RELN: variants seen among roughly 807,000 people sequenced by gnomAD.
RELN encodes the protein reelin.
A neutral mutation model predicts 427.6 loss-of-function variants in RELN; 108 were observed. The ratio of observed to expected loss-of-function variants is 0.25; its 90% confidence interval spans 0.22 to 0.30. The LOEUF is 0.30. Ranked by LOEUF, RELN falls within the 10% of genes least tolerant of loss-of-function variation. The probability of loss-of-function intolerance (pLI) is 1.00; values close to 1 mark genes in which losing one functional copy is unlikely to be tolerated. For missense variants in RELN, 3,715 were observed against 4,302.8 expected (o/e 0.86, Z 3.82); for synonymous variants, 1,524 against 1,513.4 (o/e 1.01, Z -0.16).
intron 1 of RELN, among the ~76,000 whole-genome samples, chr7:103,942,819 G>A (rs1796143010): frequency 6.6e-6 from 1 of 152,138 alleles, no homozygotes; most frequent in African/African-American, 2.4e-5. Flanking sequence ...GGCTGAGGCA[G>A]GAGAATTGCT....
chr7:103,669,235 G>A (rs1283044528), intron 11 of RELN, among the ~76,000 whole-genome samples: 1 of 152,096 alleles, frequency 6.6e-6, no homozygotes, highest in Non-Finnish European at 1.5e-5. Flanking sequence ...AAGTAAAATG[G>A]GAAGTTTAGT....
intron 1 of RELN, among the ~76,000 whole-genome samples, chr7:103,980,161 C>CAA (rs368158466): frequency 1.0e-4 from 9 of 88,600 alleles, no homozygotes; most frequent in South Asian, 3.3e-4. Context: ...ACTCTGTCTC[C>CAA]AAAAAAAAAA....
chr7:103,771,134 C>A (rs1791559506), intron 4 of RELN, among the ~76,000 whole-genome samples: 2 of 151,782 alleles, frequency 1.3e-5, no homozygotes, highest in South Asian at 4.2e-4. Flanking sequence ...CCAGGCTGGT[C>A]TCAAACTCCT....
chr7:103,764,860 A>G (rs1181771096), intron 4 of RELN, among the ~76,000 whole-genome samples: 1 of 149,846 alleles, frequency 6.7e-6, no homozygotes, highest in Non-Finnish European at 1.5e-5. Flanking sequence ...AAAAAAGTGC[A>G]AAAAGAAGCC....
chr7:103,582,206 T>C (rs113523591), intron 28 of RELN, among the ~76,000 whole-genome samples: 45 of 152,344 alleles, frequency 3.0e-4, no homozygotes, highest in Middle Eastern at 3.4e-3. Flanking sequence ...AGAGCCAACT[T>C]GTCAACTATG....
chr7:103,472,579 A>G lies in RELN; in HGVS notation c.*233T>C, dbSNP rs932465986. 54 of 517,388 alleles carry G rather than the reference A, an allele frequency of 1.0e-4. No homozygotes were observed. The highest frequency in any genetic ancestry group is 9.2e-4 in the African/African-American group (48 of 52,182). The allele number at this position is 517,388 out of a possible 1,614,324, so 32.0% of individuals were successfully genotyped here. Reference sequence around the variant, plus strand: ...GCCACTGTAACTGATATTACAACAGATCACAACTTTCACGGACACATCAAC... The same window carrying G: ...GCCACTGTAACTGATATTACAACAGGTCACAACTTTCACGGACACATCAAC... On this transcript the variant is annotated 3_prime_UTR_variant, in exon 65 of 65. Transcript: ENST00000428762.
In RELN at chr7:103,603,242, A is replaced by G. The variant is rs1203280316; in HGVS notation, c.3333+62T>C. 5 of 1,319,794 alleles carry G rather than the reference A, an allele frequency of 3.8e-6. No individual in the cohort carries two copies. The African/African-American group carries it at 5.8e-5, about 15-fold the overall frequency. 81.8% of individuals were successfully genotyped at this position (1,319,794 alleles called of 1,614,324 possible). On this transcript the variant is annotated intron_variant, in intron 24 of 64. Coordinates refer to ENST00000428762, the MANE Select transcript of RELN (RefSeq NM_005045.4). This position sits in a 1 kb window ranked among gnomAD's most constrained non-coding sequence, Gnocchi z 4.3. ...ACCACTTCATATTTGTACATTTGGA[A>G]TTCAGAGTCTCATATTAAACTAGCC...
chr7:103,622,058 T>C (rs1210100577), intron 20 of RELN, among the ~76,000 whole-genome samples: 1 of 152,134 alleles, frequency 6.6e-6, no homozygotes, highest in Non-Finnish European at 1.5e-5. Flanking sequence ...CTGCTAAATT[T>C]CTGTTTCAAC....
intron 2 of RELN, among the ~76,000 whole-genome samples, chr7:103,887,655 T>G (rs1444622674): frequency 6.7e-6 from 1 of 148,556 alleles, no homozygotes; most frequent in East Asian, 2.0e-4. Context: ...GAGTAAGAGA[T>G]TTCTGTGGTC....
At chr7:103,707,802 T>A (rs184941271) in intron 8 of RELN, among the ~76,000 whole-genome samples, 9 of 152,246 alleles carry the variant, frequency 5.9e-5, no homozygotes, top group Admixed American at 5.9e-4. Flanking sequence ...CGGCTGCAAA[T>A]CTATTTCTTT....
intron 2 of RELN, among the ~76,000 whole-genome samples, chr7:103,912,670 A>T (rs966432756): frequency 1.3e-5 from 2 of 152,106 alleles, no homozygotes; most frequent in African/African-American, 4.8e-5. Flanking sequence ...AACAATTTGA[A>T]ATTTGGCTGC....
chr7:103,547,382 C>T (rs530791206), intron 41 of RELN, among the ~76,000 whole-genome samples: 1 of 152,322 alleles, frequency 6.6e-6, no homozygotes, highest in Non-Finnish European at 1.5e-5. Flanking sequence ...CTGCAACCTC[C>T]ACCTCCAGGG....
rs184770639 is a variant in RELN at position 103,748,985 on chromosome 7, A to T, written c.656+441T>A. On this transcript the variant is annotated intron_variant, in intron 6 of 64. Coordinates refer to ENST00000428762, the MANE Select transcript of RELN (RefSeq NM_005045.4). ...TTATTTATTTCCCCTCAAAAATCCC[A>T]CAGAGTTACACTTAAACAGCTTTTG... Among the ~76,000 whole-genome samples the T allele has an allele frequency of 2.6e-5, 4 of 152,258 alleles. No individual in the cohort carries two copies. The East Asian group carries it at 7.7e-4, about 29-fold the overall frequency.
rs542494406 is a variant in RELN at position 103,873,692 on chromosome 7, G to T, written c.338-40020C>A. On this transcript the variant is annotated intron_variant, in intron 2 of 64. Coordinates refer to ENST00000428762, the MANE Select transcript of RELN (RefSeq NM_005045.4). ...ATCTCTGAATAGACCAATAACAGGA[G>T]CTGAAATTGTGGCAATAATCAATAG... is the stretch of plus-strand genomic sequence containing the variant. 4.1e-3 allele frequency among the ~76,000 whole-genome samples: 583 copies of T among 143,390 alleles called. 12 individuals are homozygous for T. The highest frequency in any genetic ancestry group is 0.037 in the Admixed American group (519 of 14,026). 94.1% of individuals were successfully genotyped at this position (143,390 alleles called of 152,430 possible). A position where few individuals can be genotyped will look rare whatever the true frequency, so the allele number is the denominator to read the frequency against.
chr7:103,939,640 T>G (rs994195031), intron 1 of RELN, among the ~76,000 whole-genome samples: 1 of 152,232 alleles, frequency 6.6e-6, no homozygotes, highest in Non-Finnish European at 1.5e-5. Flanking sequence ...CTTTTACAAA[T>G]GTATCCTAAG....
intron 8 of RELN, among the ~76,000 whole-genome samples, chr7:103,721,387 T>C (rs1790072741): frequency 6.6e-6 from 1 of 152,132 alleles, no homozygotes; most frequent in Non-Finnish European, 1.5e-5. Flanking sequence ...CAAGGGCTCT[T>C]GCTAAGTCCC....
At chr7:103,923,463 GA>G (rs140169514) in intron 1 of RELN, among the ~76,000 whole-genome samples, 10 of 150,186 alleles carry the variant, frequency 6.7e-5, no homozygotes, top group Non-Finnish European at 1.5e-4. Flanking sequence ...CAACAGCAAA[GA>G]AAAAAAAATC....
intron 2 of RELN, among the ~76,000 whole-genome samples, chr7:103,868,541 T>C (rs75561138): frequency 0.01 from 1,570 of 152,178 alleles, 30 homozygotes; most frequent in African/African-American, 0.035. Context: ...TCTCCCAGAA[T>C]TTAGTGCTAG....
At chr7:103,529,134 C>CAA in intron 46 of RELN, among the ~76,000 whole-genome samples, 1 of 146,598 alleles carries the variant, frequency 6.8e-6, no homozygotes, top group African/African-American at 2.5e-5. Context: ...GACTCCATCT[C>CAA]AAAAAAAAAA....
Sources: gnomAD v4.1 joint callset for allele counts (sites outside exome capture counted in the v4.1 genomes callset) on GRCh38, gnomAD v4.1.1 for gene constraint, Gnocchi (gnomAD v3.1) non-coding constraint, MANE v1.5 for transcripts, NCBI Gene and HGNC (gene_info 2026-07-23, HGNC 2026-07-21) for gene names.